Variants in IL1RAPL2 observed in about 807,000 individuals in gnomAD.
IL1RAPL2 encodes X-linked interleukin-1 receptor accessory protein-like 2.
A neutral mutation model predicts 44.1 loss-of-function variants in IL1RAPL2; 3 were observed. The observed-to-expected ratio is 0.07, with a 90% confidence interval of 0.03 to 0.18. The LOEUF is 0.18. Among genes scored for constraint, IL1RAPL2 ranks in the 10% least tolerant of loss-of-function variants. The probability of loss-of-function intolerance (pLI) is 1.00; values close to 1 mark genes in which losing one functional copy is unlikely to be tolerated. For synonymous variants in IL1RAPL2, 181 were observed against 178.8 expected (o/e 1.01, Z -0.10); for missense variants, 391 against 496.4 (o/e 0.79, Z 2.02).
chrX:104,912,280 G>A (rs1210286223), intron 2 of IL1RAPL2, among the ~76,000 whole-genome samples: 2 of 110,123 alleles, frequency 1.8e-5, no homozygotes, highest in African/African-American at 6.6e-5. Flanking sequence ...AGTCACAGAT[G>A]AGAAAACTGA....
At chrX:105,108,629 T>C (rs1212283202) in intron 2 of IL1RAPL2, among the ~76,000 whole-genome samples, 1 of 96,587 alleles carries the variant, frequency 1.0e-5, no homozygotes, top group African/African-American at 3.4e-5. Context: ...GCATGAGCCA[T>C]GGCAACCAGC....
intron 6 of IL1RAPL2, among the ~76,000 whole-genome samples, chrX:105,667,241 G>GGGTT (rs1300263165): frequency 1.8e-5 from 2 of 111,804 alleles, no homozygotes. Context: ...CCATTGAATG[G>GGGTT]GGTTGAGGTT....
intron 5 of IL1RAPL2, among the ~76,000 whole-genome samples, chrX:105,285,885 C>G (rs191773588): frequency 8.9e-6 from 1 of 111,821 alleles, no homozygotes; most frequent in South Asian, 3.7e-4. Flanking sequence ...TTTCCAGAAG[C>G]CATTAGCTTA....
rs758259103 is a variant in IL1RAPL2 at position 104,630,462 on chromosome X, A to AT, written c.-19-28419dup. On this transcript the variant is annotated intron_variant, in intron 1 of 10. Coordinates refer to ENST00000372582, the MANE Select transcript of IL1RAPL2 (RefSeq NM_017416.2). ...GCGCCCGGCAGGCTGATTTTTTTGT[A>AT]TTTTTTTTTTTTTTCAGTAGAGATG... 8.6e-3 allele frequency among the ~76,000 whole-genome samples: 772 copies of AT among 90,234 alleles called. 2 individuals are homozygous for AT. The highest frequency in any genetic ancestry group is 0.023 in the African/African-American group (572 of 24,685). 78.4% of individuals were successfully genotyped at this position (90,234 alleles called of 115,157 possible).
At chrX:105,664,654 C>A (rs1002892261) in intron 6 of IL1RAPL2, among the ~76,000 whole-genome samples, 83 of 111,793 alleles carry the variant, frequency 7.4e-4, no homozygotes, top group African/African-American at 2.6e-3. Flanking sequence ...TCATAGTGGT[C>A]TACTTTCCCC....
chrX:105,087,485 C>A (rs1319220290), intron 2 of IL1RAPL2, among the ~76,000 whole-genome samples: 1 of 111,723 alleles, frequency 9.0e-6, no homozygotes, highest in Non-Finnish European at 1.9e-5. Flanking sequence ...TGGGCCAGGG[C>A]TTATTATCAC....
At chrX:105,015,064 A>G (rs1437690182) in intron 2 of IL1RAPL2, among the ~76,000 whole-genome samples, 1 of 111,947 alleles carries the variant, frequency 8.9e-6, no homozygotes, top group South Asian at 3.7e-4. Flanking sequence ...CCTAATGACC[A>G]GTGATAATGA....
chrX:105,398,686 T>A (rs2035583016), intron 5 of IL1RAPL2, among the ~76,000 whole-genome samples: 1 of 111,982 alleles, frequency 8.9e-6, no homozygotes, highest in South Asian at 3.7e-4. Flanking sequence ...TTTCCATACA[T>A]GCTTTAAAAC....
chrX:105,629,871 G>A (rs1200893740), intron 6 of IL1RAPL2, among the ~76,000 whole-genome samples: 1 of 111,522 alleles, frequency 9.0e-6, no homozygotes, highest in African/African-American at 3.3e-5. Context: ...AATTAGATGT[G>A]CCTTATAAAA....
chrX:105,640,138 G>A (rs1263294712), intron 6 of IL1RAPL2, among the ~76,000 whole-genome samples: 1 of 110,687 alleles, frequency 9.0e-6, no homozygotes, highest in Non-Finnish European at 1.9e-5. Context: ...GAAATATATA[G>A]GAGGGAAATT....
At chrX:105,081,391 G>A (rs1363749360) in intron 2 of IL1RAPL2, among the ~76,000 whole-genome samples, 1 of 111,102 alleles carries the variant, frequency 9.0e-6, no homozygotes, top group East Asian at 2.8e-4. Context: ...CTTCCTACAG[G>A]AGTTGAATTA....
intron 3 of IL1RAPL2, chrX:105,220,034 G>A (rs2033935892): frequency 5.0e-6 from 6 of 1,211,298 alleles, no homozygotes; most frequent in East Asian, 3.0e-5. Flanking sequence ...GCCTCCTTGC[G>A]TTCCGTCTCC....
chrX:105,595,475 A>G (rs761704398), intron 6 of IL1RAPL2, among the ~76,000 whole-genome samples: 4 of 111,916 alleles, frequency 3.6e-5, no homozygotes, highest in African/African-American at 1.3e-4. Flanking sequence ...AGGGTTTTCC[A>G]TGGCCTTAAC....
At chrX:104,607,572 G>T (rs1335280188) in intron 1 of IL1RAPL2, among the ~76,000 whole-genome samples, 1 of 111,797 alleles carries the variant, frequency 8.9e-6, no homozygotes, top group Non-Finnish European at 1.9e-5. Context: ...AGTCGGCAAA[G>T]AATATGAACA....
At chrX:105,750,274 TTGTC>T (rs1277673183) in intron 9 of IL1RAPL2, among the ~76,000 whole-genome samples, 3 of 78,342 alleles carry the variant, frequency 3.8e-5, no homozygotes, top group African/African-American at 1.0e-4. Flanking sequence ...TTGTTTTGTT[TTGTC>T]TTTTTTTTTT....
intron 2 of IL1RAPL2, among the ~76,000 whole-genome samples, chrX:104,984,788 CAG>C (rs1401119065): frequency 8.9e-6 from 1 of 111,747 alleles, no homozygotes; most frequent in East Asian, 2.8e-4. Context: ...TGGAAAACAG[CAG>C]AGAGTAGGGA....
At chrX:105,377,190 A>G (rs182250425) in intron 5 of IL1RAPL2, among the ~76,000 whole-genome samples, 1 of 111,587 alleles carries the variant, frequency 9.0e-6, no homozygotes, top group East Asian at 2.8e-4. Flanking sequence ...TAAGTTCTAC[A>G]TTTTGTGTTT....
chrX:104,764,216 G>A (rs747456201), intron 2 of IL1RAPL2, among the ~76,000 whole-genome samples: 7 of 108,915 alleles, frequency 6.4e-5, no homozygotes, highest in Non-Finnish European at 1.3e-4. Flanking sequence ...TTCATTTTTT[G>A]GTGTCTTCTG....
At chrX:104,790,097 T>G (rs1462924861) in intron 2 of IL1RAPL2, among the ~76,000 whole-genome samples, 3 of 112,030 alleles carry the variant, frequency 2.7e-5, no homozygotes, top group Non-Finnish European at 5.6e-5. Flanking sequence ...CATGCATGCA[T>G]TGGTCTCCCT....
Sources: gnomAD v4.1 joint callset for allele counts (sites outside exome capture counted in the v4.1 genomes callset) on GRCh38, gnomAD v4.1.1 for gene constraint, MANE v1.5 for transcripts, NCBI Gene and HGNC (gene_info 2026-07-23, HGNC 2026-07-21) for gene names.